MCC: variants seen among roughly 807,000 people sequenced by gnomAD.
The protein encoded by MCC is colorectal mutant cancer protein.
Under a neutral mutation model 116.2 loss-of-function variants are expected in MCC, and 90 were observed. The ratio of observed to expected loss-of-function variants is 0.77; its 90% CI spans 0.65 to 0.92. The LOEUF is 0.92. Among genes scored for constraint, MCC ranks in the 40% least tolerant of loss-of-function variants. The pLI is 0.00. For synonymous variants in MCC, 578 were observed against 510.5 expected, an observed-to-expected ratio of 1.13 and a Z score of -1.78; for missense variants, 1,516 against 1,312.2, an observed-to-expected ratio of 1.16 and a Z score of -2.40.
intron 3 of MCC, among the ~76,000 whole-genome samples, chr5:113,301,290 A>AC (rs1766855755): frequency 6.6e-6 from 1 of 152,078 alleles, no homozygotes. Flanking sequence ...ACATGGAGAA[A>AC]CCCCATCTCT....
intron 1 of MCC, among the ~76,000 whole-genome samples, chr5:113,482,436 T>G (rs1199465441): frequency 1.3e-5 from 2 of 148,530 alleles, no homozygotes; most frequent in Admixed American, 6.8e-5. Context: ...TCTGACTTGT[T>G]GATTATAGTC....
chr5:113,270,964 A>T (rs777885680), intron 3 of MCC, among the ~76,000 whole-genome samples: 2 of 152,136 alleles, frequency 1.3e-5, no homozygotes, highest in African/African-American at 4.8e-5. Flanking sequence ...CCTTGGGGAA[A>T]TTTAACATTT....
At chr5:113,372,497 A>C (rs1768858714) in intron 2 of MCC, among the ~76,000 whole-genome samples, 1 of 152,188 alleles carries the variant, frequency 6.6e-6, no homozygotes, top group South Asian at 2.1e-4. Context: ...TTTTCTTAGA[A>C]GTTTAAAAAA....
chr5:113,266,455 G>T (rs1765421523), intron 3 of MCC, among the ~76,000 whole-genome samples: 1 of 152,164 alleles, frequency 6.6e-6, no homozygotes, highest in African/African-American at 2.4e-5. Flanking sequence ...GCAGTTCTTG[G>T]GAAATTCCCA....
chr5:113,386,305 GCTAAGAC>G (rs1185461511), intron 1 of MCC, among the ~76,000 whole-genome samples: 3 of 152,114 alleles, frequency 2.0e-5, no homozygotes, highest in Non-Finnish European at 2.9e-5. Context: ...ACCTAATCAT[GCTAAGAC>G]CACTCTTCAA....
At chr5:113,400,840 A>C (rs79921138) in intron 1 of MCC, among the ~76,000 whole-genome samples, 5,547 of 152,276 alleles carry the variant, frequency 0.036, 349 homozygotes, top group African/African-American at 0.13. Context: ...CAGATGTAGA[A>C]TCTTACAGTG....
At chr5:113,139,682 G>A (rs1759061006) in intron 5 of MCC, among the ~76,000 whole-genome samples, 1 of 152,158 alleles carries the variant, frequency 6.6e-6, no homozygotes, top group African/African-American at 2.4e-5. Context: ...CAACCATTGT[G>A]GAAGACAGTG....
At chr5:113,344,227 G>A (rs1162381349) in intron 2 of MCC, among the ~76,000 whole-genome samples, 2 of 152,186 alleles carry the variant, frequency 1.3e-5, no homozygotes, top group Non-Finnish European at 2.9e-5. Flanking sequence ...CCCATGGAGG[G>A]AGCATTTGGA....
At position 113,385,136 on chromosome 5, in the gene MCC, C is replaced by G; in HGVS notation, c.247G>C (p.Asp83His). The G allele has an allele frequency of 6.2e-7, 1 of 1,614,218 alleles. No homozygotes were observed. The highest frequency in any genetic ancestry group is 1.1e-5 in the South Asian group (1 of 91,090). The change falls in exon 2 of 19, where the codon GAT becomes CAT. Residue 83 changes from aspartate (D) to histidine (H), a missense_variant. Transcript: ENST00000408903. ...VAEIMNQLGADENGKISFQDF... is the reference protein window; with the variant it reads ...VAEIMNQLGAHENGKISFQDF... Reference sequence around the variant, plus strand: ...TGAAAGGAAATCTTCCCATTTTCATCTGCTCCCAACTGGTTCATGATCTCA... The same window carrying G: ...TGAAAGGAAATCTTCCCATTTTCATGTGCTCCCAACTGGTTCATGATCTCA...
intron 1 of MCC, among the ~76,000 whole-genome samples, chr5:113,413,028 G>T (rs141066383): frequency 0.36 from 55,173 of 152,048 alleles, 12,655 homozygotes; most frequent in African/African-American, 0.65. Context: ...ATTGAGATAA[G>T]CATGTGGTTT....
At chr5:113,398,137 C>A (rs143285787) in intron 1 of MCC, among the ~76,000 whole-genome samples, 4 of 152,266 alleles carry the variant, frequency 2.6e-5, no homozygotes, top group African/African-American at 7.2e-5. Flanking sequence ...CAGTGAGGTA[C>A]CATCTCACAC....
chr5:113,182,522 G>A (rs569192339), intron 3 of MCC, among the ~76,000 whole-genome samples: 1 of 152,206 alleles, frequency 6.6e-6, no homozygotes, highest in South Asian at 2.1e-4. Context: ...CTTGAACCTG[G>A]GAGGCGGAGG....
At chr5:113,158,154 T>G (rs144367649) in intron 3 of MCC, among the ~76,000 whole-genome samples, 12 of 152,356 alleles carry the variant, frequency 7.9e-5, no homozygotes, top group East Asian at 3.9e-4. Flanking sequence ...ATTTTCCACT[T>G]AACATTTTCA....
At chr5:113,151,919 G>A (rs1275798675) in intron 3 of MCC, among the ~76,000 whole-genome samples, 1 of 152,102 alleles carries the variant, frequency 6.6e-6, no homozygotes, top group African/African-American at 2.4e-5. Context: ...GAAAAAAGCA[G>A]CAGAGCTCAT....
At chr5:113,368,718 A>G (rs1240989695) in intron 2 of MCC, among the ~76,000 whole-genome samples, 1 of 152,152 alleles carries the variant, frequency 6.6e-6, no homozygotes, top group African/African-American at 2.4e-5. Flanking sequence ...CAAGCAAGGA[A>G]TCAGTTCTGC....
intron 3 of MCC, among the ~76,000 whole-genome samples, chr5:113,161,494 C>T (rs918210324): frequency 6.6e-6 from 1 of 152,152 alleles, no homozygotes; most frequent in African/African-American, 2.4e-5. Flanking sequence ...AGTCAATAAA[C>T]TCCACAGATC....
intron 4 of MCC, among the ~76,000 whole-genome samples, chr5:113,146,677 C>T (rs1049736659): frequency 6.6e-6 from 1 of 152,188 alleles, no homozygotes; most frequent in African/African-American, 2.4e-5. Flanking sequence ...ATTTACTTAG[C>T]GGCCTCTGGG....
chr5:113,173,271 T>C (rs1264661885), intron 3 of MCC, among the ~76,000 whole-genome samples: 2 of 152,196 alleles, frequency 1.3e-5, no homozygotes, highest in Admixed American at 6.5e-5. Context: ...TTTTCTTTTA[T>C]GTGGTCATTT....
At chr5:113,308,441 A>G (rs1433691947) in intron 3 of MCC, among the ~76,000 whole-genome samples, 2 of 152,200 alleles carry the variant, frequency 1.3e-5, no homozygotes, top group Admixed American at 6.5e-5. Flanking sequence ...CTACTGCCCC[A>G]AACCAGAGAG....
Sources: gnomAD v4.1 joint callset for allele counts (sites outside exome capture counted in the v4.1 genomes callset) on GRCh38, gnomAD v4.1.1 for gene constraint, MANE v1.5 for transcripts, NCBI Gene and HGNC (gene_info 2026-07-23, HGNC 2026-07-21) for gene names.